Variants in CFAP20DC observed in about 807,000 individuals in gnomAD.
The protein encoded by CFAP20DC is CFAP20 domain containing.
A neutral mutation model predicts 101.7 loss-of-function variants in CFAP20DC; 84 were observed. That is an observed-to-expected ratio of 0.83 (90% CI 0.69 to 0.99). CFAP20DC has a LOEUF of 0.99. CFAP20DC is among the 50% of genes least tolerant of loss of function. The pLI is 0.00. For missense variants in CFAP20DC, 1,007 were observed against 970.3 expected, an observed-to-expected ratio of 1.04 and a Z score of -0.50; for synonymous variants, 359 against 351.2, an observed-to-expected ratio of 1.02 and a Z score of -0.25.
intron 16 of CFAP20DC, among the ~76,000 whole-genome samples, chr3:58,744,864 C>T (rs1297205679): frequency 6.6e-6 from 1 of 152,062 alleles, no homozygotes; most frequent in African/African-American, 2.4e-5. Flanking sequence ...AGTGGGGCAA[C>T]GATTTGTGCA....
chr3:58,979,821 T>C (rs1184068148), intron 4 of CFAP20DC, among the ~76,000 whole-genome samples: 1 of 152,010 alleles, frequency 6.6e-6, no homozygotes, highest in East Asian at 1.9e-4. Flanking sequence ...CTTTTTCTTT[T>C]TTTTTTTTTA....
intron 4 of CFAP20DC, among the ~76,000 whole-genome samples, chr3:58,937,999 T>G (rs746373311): frequency 5.9e-5 from 9 of 152,216 alleles, no homozygotes; most frequent in Non-Finnish European, 1.2e-4. Context: ...ATTTCAGTAC[T>G]CTACACTAGA....
chr3:58,840,580 A>G (rs1178826852), intron 13 of CFAP20DC, among the ~76,000 whole-genome samples: 1 of 152,232 alleles, frequency 6.6e-6, no homozygotes, highest in Non-Finnish European at 1.5e-5. Context: ...ACTTGATTCA[A>G]CTATAAATAA....
chr3:58,717,638 A>G lies in CFAP20DC; in HGVS notation c.198-10T>C. The G allele has an allele frequency of 4.5e-6, 2 of 447,624 alleles. No homozygotes were observed. The highest frequency in any genetic ancestry group is 2.0e-5 in the African/African-American group (1 of 49,396). 27.7% of individuals were successfully genotyped at this position (447,624 alleles called of 1,614,324 possible). A position where few individuals can be genotyped will look rare whatever the true frequency, so the allele number is the denominator to read the frequency against. ...CTTCCAGACATTTCTTCTGCATTTC[A>G]GGTAGGAGAAGAGAGAAGAAAAAAA... On this transcript the variant is annotated splice_polypyrimidine_tract_variant and intron_variant, in intron 3 of 3. Transcript: ENST00000486145. This position sits in a 1 kb window ranked among gnomAD's most constrained non-coding sequence, Gnocchi z 4.1.
chr3:59,013,285 G>C (rs1158762708), intron 4 of CFAP20DC, among the ~76,000 whole-genome samples: 2 of 152,122 alleles, frequency 1.3e-5, no homozygotes, highest in Non-Finnish European at 2.9e-5. Flanking sequence ...AGGAGCGTTT[G>C]TCACAGGAAG....
intron 6 of CFAP20DC, among the ~76,000 whole-genome samples, chr3:58,891,716 T>A (rs1229180917): frequency 6.6e-6 from 1 of 152,202 alleles, no homozygotes; most frequent in African/African-American, 2.4e-5. Flanking sequence ...TGAACCTTTG[T>A]CAGATGGATA....
At chr3:58,832,211 A>G (rs937393942) in intron 13 of CFAP20DC, among the ~76,000 whole-genome samples, 1 of 152,164 alleles carries the variant, frequency 6.6e-6, no homozygotes, top group Non-Finnish European at 1.5e-5. Context: ...TGACTTCCTC[A>G]GGGAAGCCTT....
intron 4 of CFAP20DC, among the ~76,000 whole-genome samples, chr3:59,027,788 G>A (rs895583404): frequency 1.3e-5 from 2 of 152,124 alleles, no homozygotes. Context: ...TCTGCCCCCA[G>A]GCTCTGAAAC....
At chr3:58,751,523 G>A (rs1338514459) in intron 16 of CFAP20DC, among the ~76,000 whole-genome samples, 1 of 152,136 alleles carries the variant, frequency 6.6e-6, no homozygotes, top group African/African-American at 2.4e-5. Flanking sequence ...CCGGCTGAGG[G>A]CTGACAGGTG....
At chr3:58,916,030 T>C (rs557814223) in intron 5 of CFAP20DC, among the ~76,000 whole-genome samples, 2 of 152,186 alleles carry the variant, frequency 1.3e-5, no homozygotes, top group Non-Finnish European at 2.9e-5. Flanking sequence ...GTTTTCTTTC[T>C]TGTGGCCATG....
chr3:58,822,886 A>G (rs947607874), intron 14 of CFAP20DC, among the ~76,000 whole-genome samples: 1 of 152,162 alleles, frequency 6.6e-6, no homozygotes, highest in Non-Finnish European at 1.5e-5. Context: ...CCCCTGGAGC[A>G]GGTCATAAGA....
At position 58,866,621 on chromosome 3, in the gene CFAP20DC, T is replaced by C. The variant is rs148698637; in HGVS notation, c.1203A>G (p.Gln401=). The C allele has an allele frequency of 4.3e-4, 692 of 1,611,276 alleles. 1 individual carries two copies. Among genetic ancestry groups the C allele is most frequent in the Non-Finnish European group, 5.6e-4 (661 of 1,177,534 alleles). Residue 401 remains glutamine (Q), a synonymous_variant, in exon 11 of 17, where the codon CAA becomes CAG. Transcript: ENST00000482387. ...TGCCGGAGTTCAACAGCTCTGCTCC[T>C]TGTTGGGACACAGTGGTGAGGATAG... ...ASTILTTVSQ[Q]GAELLNSGTL...
intron 16 of CFAP20DC, among the ~76,000 whole-genome samples, chr3:58,745,703 T>C (rs2068145615): frequency 6.6e-6 from 1 of 152,212 alleles, no homozygotes; most frequent in South Asian, 2.1e-4. Context: ...CTATAGGCTA[T>C]AACTTTCTTA....
rs927123672 is a variant in CFAP20DC, at chr3:59,006,179, T to A, written c.278+33378A>T. Among the ~76,000 whole-genome samples, 1 of 151,820 alleles carries A rather than the reference T, an allele frequency of 6.6e-6. No individual in the cohort carries two copies. The highest frequency in any genetic ancestry group is 1.5e-5 in the Non-Finnish European group (1 of 67,964). On this transcript the variant is annotated intron_variant, in intron 4 of 16. Coordinates refer to ENST00000482387, the MANE Select transcript of CFAP20DC (RefSeq NM_001394063.1). This position sits in a 1 kb window ranked among gnomAD's most constrained non-coding sequence, Gnocchi z 4.3. Reference sequence around the variant, plus strand: ...TGGACGGGGAGGAGGGGCGAATAGGTTAGAATGTAGACAGTGGCAAAAGGC... The same window carrying A: ...TGGACGGGGAGGAGGGGCGAATAGGATAGAATGTAGACAGTGGCAAAAGGC...
intron 14 of CFAP20DC, among the ~76,000 whole-genome samples, chr3:58,817,230 C>A (rs964322566): frequency 6.6e-6 from 1 of 152,126 alleles, no homozygotes; most frequent in Non-Finnish European, 1.5e-5. Flanking sequence ...AAACGCAGAG[C>A]GCCTCTCTTC....
At chr3:58,856,788 T>A (rs1378325290) in intron 12 of CFAP20DC, among the ~76,000 whole-genome samples, 7 of 152,230 alleles carry the variant, frequency 4.6e-5, no homozygotes, top group African/African-American at 1.7e-4. Context: ...ATGGTATTGG[T>A]AGAACTAGCA....
At chr3:58,837,935 T>C (rs1289846431) in intron 13 of CFAP20DC, among the ~76,000 whole-genome samples, 1 of 152,216 alleles carries the variant, frequency 6.6e-6, no homozygotes, top group Non-Finnish European at 1.5e-5. Context: ...TAATAGCTGA[T>C]GGTAAATTAG....
In CFAP20DC at chr3:58,863,878, G is replaced by C; in HGVS notation, c.1273C>G (p.Pro425Ala). 6.2e-7 allele frequency: 1 copy of C among 1,610,106 alleles called. No homozygotes were observed. The change falls in exon 12 of 17, where the codon CCT becomes GCT. Residue 425 changes from proline to alanine, a missense_variant. Coordinates refer to ENST00000482387, the MANE Select transcript of CFAP20DC (RefSeq NM_001394063.1). This position sits in a 1 kb window ranked among gnomAD's most constrained non-coding sequence, Gnocchi z 5.9. ...TATGAAATGTGATCAGCATTTTCAG[G>C]AAAAATCCACTCATCTGACAGTTGG... ...SPDQSDEWIF[P>A]ENADHISYLA...
At chr3:58,779,162 T>C (rs1030650820) in intron 15 of CFAP20DC, among the ~76,000 whole-genome samples, 3 of 152,106 alleles carry the variant, frequency 2.0e-5, no homozygotes, top group Non-Finnish European at 4.4e-5. Flanking sequence ...ATTCAAAATA[T>C]TGATATTAAA....
Sources: allele counts gnomAD v4.1 joint callset (sites outside exome capture counted in the v4.1 genomes callset), GRCh38; gene constraint gnomAD v4.1.1; non-coding constraint Gnocchi (gnomAD v3.1); transcripts MANE v1.5; gene names NCBI Gene and HGNC (gene_info 2026-07-23, HGNC 2026-07-21).